EPB42: variants seen among roughly 807,000 people sequenced by gnomAD.
EPB42 encodes erythrocyte membrane protein band 4.2, also known as protein 4.2.
Under a neutral mutation model 76.9 loss-of-function variants are expected in EPB42, and 49 were observed. The observed-to-expected ratio is 0.64, with a 90% CI of 0.51 to 0.81. The LOEUF is 0.81. EPB42 is among the 30% of genes least tolerant of loss of function. The pLI, the probability that EPB42 is intolerant of heterozygous loss-of-function variation, is 0.00. For missense variants in EPB42, 731 were observed against 867.6 expected (o/e 0.84, Z 1.98); for synonymous variants, 310 against 338.4 (o/e 0.92, Z 0.92).
Position 43,215,609 on chromosome 15 carries a change from AT to A in EPB42, c.197-282del, listed in dbSNP as rs200905886. ...GAAATATTGCATGTGAAGTACTTGCATACATCTGACAGGTAGTATGGATTCA... is the reference window on the plus strand; with the variant it reads ...GAAATATTGCATGTGAAGTACTTGCAACATCTGACAGGTAGTATGGATTCA... On this transcript the variant is annotated intron_variant, in intron 2 of 12. Coordinates refer to ENST00000441366, the MANE Select transcript of EPB42 (RefSeq NM_001114134.2). 0.065 allele frequency among the ~76,000 whole-genome samples: 9,933 copies of A among 152,254 alleles called. 1,063 individuals carry two copies. Among genetic ancestry groups the A allele is most frequent in the African/African-American group, 0.22 (9,249 of 41,456 alleles).
At chr15:43,225,028 C>T (rs2042495153), upstream of EPB42, among the ~76,000 whole-genome samples, 1 of 152,266 alleles carries the variant, frequency 6.6e-6, no homozygotes, top group Admixed American at 6.5e-5. Context: ...CCAGCCTTGG[C>T]CTCCCAAAGT....
intron 1 of EPB42, among the ~76,000 whole-genome samples, chr15:43,217,006 C>T (rs1244396112): frequency 6.6e-6 from 1 of 152,188 alleles, no homozygotes; most frequent in East Asian, 1.9e-4. Context: ...AAACTCACAG[C>T]TCTATGCAGC....
rs1373713749 is a variant in EPB42 at position 43,210,363 on chromosome 15, A to G, written c.626T>C (p.Val209Ala). 6.2e-7 allele frequency: 1 copy of G among 1,613,828 alleles called. No homozygotes were observed. The highest frequency in any genetic ancestry group is 2.2e-5 in the East Asian group (1 of 44,880). ...DKQVEKWSQP[V>A]HVARVLGALL... ...GGCACCCAACACACGGGCCACGTGCACCGGCTGGCTCCACTTCTCTACCTG... is the reference window on the plus strand; with the variant it reads ...GGCACCCAACACACGGGCCACGTGCGCCGGCTGGCTCCACTTCTCTACCTG... The change falls in exon 5 of 13, where the codon GTG (valine) becomes GCG (alanine). Residue 209 changes from valine to alanine, a missense_variant. By Grantham distance (64) the Val-to-Ala change is moderately conservative. Transcript: ENST00000441366.
chr15:43,205,808 G>A (rs2042194043), intron 10 of EPB42, among the ~76,000 whole-genome samples: 1 of 152,004 alleles, frequency 6.6e-6, no homozygotes, highest in African/African-American at 2.4e-5. Context: ...TCTGGTTCAG[G>A]GAATCTTAAC....
At chr15:43,202,269 G>A (rs2042137964) in intron 11 of EPB42, among the ~76,000 whole-genome samples, 1 of 152,124 alleles carries the variant, frequency 6.6e-6, no homozygotes, top group South Asian at 2.1e-4. Flanking sequence ...TTCATGGTGT[G>A]TCCCCAAACC....
At chr15:43,205,393 T>G (rs533228864) in intron 10 of EPB42, among the ~76,000 whole-genome samples, 2 of 152,186 alleles carry the variant, frequency 1.3e-5, no homozygotes, top group Non-Finnish European at 2.9e-5. Context: ...TGTTCCACCA[T>G]GGAGTTTTTG....
chr15:43,221,088 A>T, upstream of EPB42: 8 of 451,476 alleles, frequency 1.8e-5, no homozygotes, highest in East Asian at 8.9e-5. Context: ...CTCTTGTGCC[A>T]GGAGGCCCAG....
At chr15:43,210,496 G>A (rs2042278396) in intron 4 of EPB42, 57 bp from the exon 5 acceptor site, 4 of 1,514,724 alleles carry the variant, frequency 2.6e-6, no homozygotes, top group Non-Finnish European at 3.7e-6. Flanking sequence ...CCATGAGGAA[G>A]GGTCCCCAGG....
intron 10 of EPB42, among the ~76,000 whole-genome samples, chr15:43,204,968 C>CT (rs201336392): frequency 7.8e-5 from 11 of 141,862 alleles, no homozygotes; most frequent in African/African-American, 2.4e-4. Flanking sequence ...CCCTCCGCCC[C>CT]CCCCCCAAAA....
intron 1 of EPB42, among the ~76,000 whole-genome samples, chr15:43,219,056 T>C (rs773623512): frequency 7.9e-5 from 12 of 152,150 alleles, no homozygotes; most frequent in Admixed American, 7.9e-4. Context: ...GTTTAACGAC[T>C]GGCTGGGGGG....
chr15:43,216,590 G>A, intron 1 of EPB42, 137 bp from the exon 2 acceptor site: 1 of 870,974 alleles, frequency 1.1e-6, no homozygotes, highest in Non-Finnish European at 1.8e-6. Context: ...TCCCAGGCAA[G>A]TAACTTAACC....
chr15:43,224,843 C>T (rs1310571093), upstream of EPB42, among the ~76,000 whole-genome samples: 1 of 152,244 alleles, frequency 6.6e-6, no homozygotes, highest in Non-Finnish European at 1.5e-5. Context: ...GTGGTGCAAT[C>T]ATGGCTCACT....
intron 6 of EPB42, 127 bp downstream of exon 6, chr15:43,209,147 T>G (rs1419479503): frequency 8.9e-7 from 1 of 1,118,148 alleles, no homozygotes; most frequent in Non-Finnish European, 1.3e-6. Context: ...CAACTACTTC[T>G]GTGTGATGAG....
chr15:43,220,659 C>G (rs956676117), intron 1 of EPB42, 157 bp downstream of exon 1: 4 of 1,062,496 alleles, frequency 3.8e-6, no homozygotes, highest in South Asian at 1.3e-5. Context: ...ACCCCCCCCC[C>G]ACAGCCACCT....
At chr15:43,216,502 G>C (rs971222642) in intron 1 of EPB42, 49 bp from the exon 2 acceptor site, 19 of 1,589,160 alleles carry the variant, frequency 1.2e-5, no homozygotes, top group East Asian at 2.2e-5. Context: ...ATGTGACAAT[G>C]TAAGTACAAG....
chr15:43,214,118 G>GA (rs2042340418), intron 3 of EPB42, among the ~76,000 whole-genome samples: 1 of 152,250 alleles, frequency 6.6e-6, no homozygotes, highest in Non-Finnish European at 1.5e-5. Flanking sequence ...AAAGCCGGGA[G>GA]AAACTCTTTT....
upstream of EPB42, among the ~76,000 whole-genome samples, chr15:43,223,999 T>A (rs758545664): frequency 6.6e-6 from 1 of 151,916 alleles, no homozygotes. Context: ...ATAAATTAAT[T>A]AATAAATAAT....
At chr15:43,211,757 A>C (rs1166697554) in intron 3 of EPB42, among the ~76,000 whole-genome samples, 1 of 152,246 alleles carries the variant, frequency 6.6e-6, no homozygotes, top group Non-Finnish European at 1.5e-5. Context: ...GTCAGCCAGG[A>C]AGACAAGAAC....
At chr15:43,217,241 T>G (rs911926401) in intron 1 of EPB42, among the ~76,000 whole-genome samples, 4 of 152,126 alleles carry the variant, frequency 2.6e-5, no homozygotes, top group Admixed American at 6.5e-5. Flanking sequence ...TTTAAAAGTG[T>G]GTAGCACCTC....
Sources: allele counts gnomAD v4.1 joint callset (sites outside exome capture counted in the v4.1 genomes callset), GRCh38; gene constraint gnomAD v4.1.1; transcripts MANE v1.5; gene names NCBI Gene and HGNC (gene_info 2026-07-23, HGNC 2026-07-21).